AKR1C3: variants seen among roughly 807,000 people sequenced by gnomAD.
AKR1C3 encodes the protein 3-alpha hydroxysteroid dehydrogenase, type II.
Under a neutral mutation model 43.6 loss-of-function variants are expected in AKR1C3, and 48 were observed. The observed-to-expected ratio is 1.10, with a 90% confidence interval of 0.87 to 1.40. The LOEUF (loss-of-function observed/expected upper bound fraction) is 1.40. Among genes scored for constraint, AKR1C3 ranks in the 40% most tolerant of loss-of-function variants. AKR1C3 has a pLI of 0.00. For missense variants in AKR1C3, 482 were observed against 391.2 expected, an observed-to-expected ratio of 1.23 and a Z score of -1.96; for synonymous variants, 162 against 139.6, an observed-to-expected ratio of 1.16 and a Z score of -1.13.
At chr10:5,059,349 A>G (rs1313193674) in intron 1 of AKR1C3, among the ~76,000 whole-genome samples, 1 of 152,156 alleles carries the variant, frequency 6.6e-6, no homozygotes, top group African/African-American at 2.4e-5. Flanking sequence ...AAGCTTTAGG[A>G]CCCAGGGGGC....
chr10:5,057,530 A>C (rs1199922457), intron 1 of AKR1C3, among the ~76,000 whole-genome samples: 1 of 152,178 alleles, frequency 6.6e-6, no homozygotes, highest in African/African-American at 2.4e-5. Context: ...GGGTGACGGG[A>C]GTATAATTTC....
In AKR1C3 at chr10:5,104,953, C is replaced by T. The variant is rs587690390; in HGVS notation, c.847-642C>T. Among the ~76,000 whole-genome samples, 426 of 152,220 alleles carry T rather than the reference C, an allele frequency of 2.8e-3. 2 individuals are homozygous for T. The highest frequency in any genetic ancestry group is 0.013 in the South Asian group (64 of 4,826). On this transcript the variant is annotated intron_variant, in intron 7 of 8. Coordinates refer to ENST00000380554, the MANE Select transcript of AKR1C3 (RefSeq NM_003739.6). ...TGTTCATGTTTTTTATTCTCTCTCTCTCATTCTCTGTATCACTATTAGAGT... is the reference window on the plus strand; with the variant it reads ...TGTTCATGTTTTTTATTCTCTCTCTTTCATTCTCTGTATCACTATTAGAGT...
At chr10:5,087,345 G>T (rs1471448510) in intron 1 of AKR1C3, among the ~76,000 whole-genome samples, 1 of 150,144 alleles carries the variant, frequency 6.7e-6, no homozygotes, top group Admixed American at 6.7e-5. Context: ...GTATTTCTCT[G>T]ATATCAGTTT....
chr10:5,099,598 T>C, intron 5 of AKR1C3, 149 bp downstream of exon 5: 1 of 1,406,162 alleles, frequency 7.1e-7, no homozygotes, highest in Non-Finnish European at 9.7e-7. Context: ...GGCGTGAAGA[T>C]TTCTTGTTTG....
chr10:5,106,765 G>A (rs1450135550), intron 8 of AKR1C3, among the ~76,000 whole-genome samples: 143 of 134,442 alleles, frequency 1.1e-3, no homozygotes, highest in Non-Finnish European at 1.8e-3. Flanking sequence ...AAAAAAAAAA[G>A]CAGGAAGTTA....
chr10:5,063,798 G>T (rs1244858195), intron 1 of AKR1C3, among the ~76,000 whole-genome samples: 1 of 49,118 alleles, frequency 2.0e-5, no homozygotes, highest in Non-Finnish European at 5.2e-5. Context: ...AAGGAAAATG[G>T]CACAAGTAAC....
chr10:5,099,765 A>G, intron 5 of AKR1C3: 1 of 343,264 alleles, frequency 2.9e-6, no homozygotes, highest in South Asian at 3.7e-5. Flanking sequence ...AAAGATGACC[A>G]GAAAGTGCAT....
At chr10:5,048,960 C>A in intron 1 of AKR1C3, 1 of 1,372,492 alleles carries the variant, frequency 7.3e-7, no homozygotes, top group Non-Finnish European at 1.0e-6. Flanking sequence ...GGAAGCTGAC[C>A]TGGGTTGTCA....
At chr10:5,079,922 A>T (rs1303883519) in intron 1 of AKR1C3, among the ~76,000 whole-genome samples, 7 of 152,224 alleles carry the variant, frequency 4.6e-5, no homozygotes, top group Non-Finnish European at 1.0e-4. Flanking sequence ...GAGGAAAGAA[A>T]ATTTTCTTTG....
upstream of AKR1C3, among the ~76,000 whole-genome samples, chr10:5,091,423 A>G (rs1839086129): frequency 6.6e-6 from 1 of 152,168 alleles, no homozygotes; most frequent in African/African-American, 2.4e-5. Context: ...TTTTCAGAAC[A>G]TATCTCTAAT....
At chr10:5,074,360 A>G (rs1554781609) in intron 1 of AKR1C3, among the ~76,000 whole-genome samples, 1 of 152,224 alleles carries the variant, frequency 6.6e-6, no homozygotes, top group Admixed American at 6.5e-5. Flanking sequence ...AAGTATTTTG[A>G]CAAATTTCAA....
chr10:5,086,202 T>G (rs1838961398), intron 1 of AKR1C3, among the ~76,000 whole-genome samples: 1 of 151,838 alleles, frequency 6.6e-6, no homozygotes, highest in Non-Finnish European at 1.5e-5. Context: ...TGCTTTGTCT[T>G]GTGGGCATTT....
intron 1 of AKR1C3, among the ~76,000 whole-genome samples, chr10:5,083,208 T>G (rs1370944271): frequency 6.6e-6 from 1 of 152,172 alleles, no homozygotes; most frequent in Non-Finnish European, 1.5e-5. Context: ...ATATATCTCC[T>G]AATGCTATCC....
intron 1 of AKR1C3, among the ~76,000 whole-genome samples, chr10:5,053,610 A>T (rs1838199740): frequency 6.6e-6 from 1 of 152,252 alleles, no homozygotes; most frequent in Admixed American, 6.5e-5. Context: ...AAGGCCAAGG[A>T]GGCAACAAGA....
intron 2 of AKR1C3, 94 bp downstream of exon 2, chr10:5,096,671 T>C: frequency 1.4e-6 from 2 of 1,463,400 alleles, no homozygotes; most frequent in East Asian, 4.8e-5. Flanking sequence ...TGTGGGTGAA[T>C]TTTGCTTCTG....
At chr10:5,104,729 G>A (rs1839455857) in intron 7 of AKR1C3, among the ~76,000 whole-genome samples, 1 of 151,878 alleles carries the variant, frequency 6.6e-6, no homozygotes, top group Admixed American at 6.6e-5. Context: ...TATTTAAATG[G>A]CCTTTTAATA....
At chr10:5,079,833 GA>G (rs1301464164) in intron 1 of AKR1C3, among the ~76,000 whole-genome samples, 1 of 152,054 alleles carries the variant, frequency 6.6e-6, no homozygotes, top group Non-Finnish European at 1.5e-5. Flanking sequence ...ACATGTATAT[GA>G]ATTTATATGC....
rs1554785310 is a variant in AKR1C3 at position 5,097,471 on chromosome 10, C to T, written c.290C>T (p.Pro97Leu). 4 of 1,613,696 alleles carry T rather than the reference C, an allele frequency of 2.5e-6. 1 individual carries two copies. The highest frequency in any genetic ancestry group is 1.3e-5 in the African/African-American group (1 of 74,884). Residue 97 changes from proline (P) to leucine (L), a missense_variant, in exon 3 of 9, where the codon CCA (proline) becomes CTA (leucine). Pro to Leu is a moderately conservative substitution (Grantham distance 98). Coordinates refer to ENST00000380554, the MANE Select transcript of AKR1C3 (RefSeq NM_003739.6). Reference sequence around the variant, plus strand: ...TTTCATCGACCAGAGTTGGTCCGACCAGCCTTGGAAAACTCACTGAAGAAA... The same window carrying T: ...TTTCATCGACCAGAGTTGGTCCGACTAGCCTTGGAAAACTCACTGAAGAAA... ...STFHRPELVR[P>L]ALENSLKKAQ... is the part of the protein sequence containing the mutation.
chr10:5,080,468 A>T (rs1342412046), intron 1 of AKR1C3, among the ~76,000 whole-genome samples: 1 of 152,150 alleles, frequency 6.6e-6, no homozygotes, highest in Non-Finnish European at 1.5e-5. Context: ...TAATAAAAAT[A>T]CAAAAATTAG....
Sources: allele counts gnomAD v4.1 joint callset (sites outside exome capture counted in the v4.1 genomes callset), GRCh38; gene constraint gnomAD v4.1.1; transcripts MANE v1.5; gene names NCBI Gene and HGNC (gene_info 2026-07-23, HGNC 2026-07-21).